The following ACBD6 variants were observed in gnomAD, a reference collection of about 807,000 sequenced individuals.
The protein encoded by ACBD6 is acyl-CoA binding domain containing 6, also known as acyl-CoA-binding domain-containing protein 6.
In ACBD6, 28 loss-of-function variants were observed where a neutral mutation model predicts 37.2. The ratio of observed to expected loss-of-function variants is 0.75; its 90% CI spans 0.56 to 1.03. The LOEUF is 1.03. Ranked by LOEUF, ACBD6 falls within the 50% of genes least tolerant of loss-of-function variation. The pLI, the probability that ACBD6 is intolerant of heterozygous loss-of-function variation, is 0.00. For synonymous variants in ACBD6, 113 were observed against 126.8 expected (o/e 0.89, Z 0.73); for missense variants, 340 against 337.4 (o/e 1.01, Z -0.06).
At chr1:180,434,671 A>G (rs1648949461) in intron 3 of ACBD6, 1 of 404,094 alleles carries the variant, frequency 2.5e-6, no homozygotes, top group Admixed American at 3.7e-5. Context: ...TACCTATGAT[A>G]AGTCACTGCT....
At chr1:180,406,610 C>A (rs1935283) in intron 5 of ACBD6, among the ~76,000 whole-genome samples, 148,532 of 152,220 alleles carry the variant, frequency 0.98, 72,492 homozygotes, top group African/African-American at 0.99. Context: ...AGATTCATAG[C>A]TATCAGTGAA....
intron 9 of ACBD6, among the ~76,000 whole-genome samples, chr1:180,279,855 C>T (rs890525235): frequency 6.6e-6 from 1 of 151,540 alleles, no homozygotes; most frequent in East Asian, 1.9e-4. Flanking sequence ...AAAAAAAAGT[C>T]ATAGCATTTC....
chr1:180,494,227 G>C (rs996164114), intron 2 of ACBD6, among the ~76,000 whole-genome samples: 1 of 151,946 alleles, frequency 6.6e-6, no homozygotes, highest in South Asian at 2.1e-4. Context: ...ATCATTCGTT[G>C]ATGTTCTTGC....
chr1:180,291,078 G>C (rs542584415), intron 7 of ACBD6, among the ~76,000 whole-genome samples: 123 of 152,302 alleles, frequency 8.1e-4, no homozygotes, highest in African/African-American at 2.7e-3. Flanking sequence ...ATTGCTTCAA[G>C]TATCAGTTCT....
At chr1:180,420,307 T>C (rs951400246) in intron 4 of ACBD6, among the ~76,000 whole-genome samples, 5 of 152,372 alleles carry the variant, frequency 3.3e-5, no homozygotes, top group Admixed American at 1.3e-4. Flanking sequence ...TCGTAAATCC[T>C]GTGAAGTCAC....
rs1268306476 is a variant in ACBD6, at chr1:180,484,722, G to A, written c.384+7547C>T. 2.6e-5 allele frequency among the ~76,000 whole-genome samples: 4 copies of A among 152,098 alleles called. No homozygotes were observed. In the South Asian group the frequency reaches 6.2e-4, roughly 24 times the overall value. Reference sequence around the variant, plus strand: ...ATATGTATTCAACATGTGTATCTACGCACGTATGTATACGTATACATACAT... The same window carrying A: ...ATATGTATTCAACATGTGTATCTACACACGTATGTATACGTATACATACAT... On this transcript the variant is annotated intron_variant, in intron 3 of 7. Transcript: ENST00000367595.
chr1:180,376,253 T>C (rs1272115809), intron 6 of ACBD6, among the ~76,000 whole-genome samples: 1 of 152,210 alleles, frequency 6.6e-6, no homozygotes, highest in African/African-American at 2.4e-5. Context: ...TAAACCCTTC[T>C]AGAGGGAAAT....
intron 3 of ACBD6, among the ~76,000 whole-genome samples, chr1:180,485,783 A>G (rs542519246): frequency 5.9e-5 from 9 of 152,310 alleles, no homozygotes; most frequent in East Asian, 1.9e-4. Flanking sequence ...AAAATGCTCA[A>G]TGATGGGGAT....
chr1:180,384,660 A>C (rs1314924629), intron 6 of ACBD6, among the ~76,000 whole-genome samples: 1 of 152,218 alleles, frequency 6.6e-6, no homozygotes, highest in African/African-American at 2.4e-5. Flanking sequence ...TATTTATCTA[A>C]AGGAAAAGAA....
At chr1:180,328,893 CCTTT>C (rs1651364339) in intron 6 of ACBD6, among the ~76,000 whole-genome samples, 7 of 151,966 alleles carry the variant, frequency 4.6e-5, no homozygotes, top group African/African-American at 1.4e-4. Context: ...TAGGTATTTT[CCTTT>C]CTTTCTAGGA....
chr1:180,397,642 G>A (rs750804271), intron 5 of ACBD6, 37 bp from the exon 6 acceptor site: 1 of 1,480,914 alleles, frequency 6.8e-7, no homozygotes, highest in Non-Finnish European at 9.4e-7. Context: ...TGTTATCTCA[G>A]TTGTGGAGCC....
At chr1:180,378,783 C>T (rs1270066047) in intron 6 of ACBD6, among the ~76,000 whole-genome samples, 1 of 152,118 alleles carries the variant, frequency 6.6e-6, no homozygotes, top group Non-Finnish European at 1.5e-5. Context: ...ATGGCACCCC[C>T]CAGCATGTGC....
intron 6 of ACBD6, among the ~76,000 whole-genome samples, chr1:180,346,960 G>T (rs537389330): frequency 6.6e-6 from 1 of 152,102 alleles, no homozygotes; most frequent in Non-Finnish European, 1.5e-5. Context: ...AGGCTGCAGT[G>T]AGCTGTGACC....
intron 6 of ACBD6, among the ~76,000 whole-genome samples, chr1:180,337,167 T>G (rs1233382618): frequency 1.3e-5 from 2 of 152,142 alleles, no homozygotes; most frequent in Non-Finnish European, 2.9e-5. Context: ...GCCAGCATCA[T>G]CCTGATACCA....
chr1:180,315,570 C>A (rs892872303), intron 6 of ACBD6, among the ~76,000 whole-genome samples: 1 of 152,106 alleles, frequency 6.6e-6, no homozygotes, highest in African/African-American at 2.4e-5. Flanking sequence ...TGATGTTATG[C>A]CAGCCAAACT....
At chr1:180,434,694 G>A in intron 3 of ACBD6, 1 of 445,942 alleles carries the variant, frequency 2.2e-6, no homozygotes, top group Non-Finnish European at 4.2e-6. Context: ...GAGTTGTCCT[G>A]TCTTTCCAAA....
intron 9 of ACBD6, among the ~76,000 whole-genome samples, chr1:180,280,973 C>T (rs895714480): frequency 6.6e-6 from 1 of 152,182 alleles, no homozygotes; most frequent in Non-Finnish European, 1.5e-5. Flanking sequence ...CCCCTCATCA[C>T]CAGCCTATGT....
chr1:180,346,949 G>A (rs989716099), intron 6 of ACBD6, among the ~76,000 whole-genome samples: 2 of 152,096 alleles, frequency 1.3e-5, no homozygotes, highest in African/African-American at 2.4e-5. Context: ...CTAGGAGGTC[G>A]AGGCTGCAGT....
intron 6 of ACBD6, among the ~76,000 whole-genome samples, chr1:180,381,811 T>G (rs542137170): frequency 6.6e-6 from 1 of 151,806 alleles, no homozygotes; most frequent in South Asian, 2.1e-4. Flanking sequence ...CTCAAGGAAC[T>G]AGAAAAACAA....
Sources: gnomAD v4.1 joint callset for allele counts (sites outside exome capture counted in the v4.1 genomes callset) on GRCh38, gnomAD v4.1.1 for gene constraint, MANE v1.5 for transcripts, NCBI Gene and HGNC (gene_info 2026-07-23, HGNC 2026-07-21) for gene names.